The following PACS1 variants were observed in gnomAD, a reference collection of about 807,000 sequenced individuals.
PACS1 encodes the protein PACS-1.
PACS1 carries 24 observed loss-of-function variants against 115.0 expected under a neutral mutation model. The ratio of observed to expected loss-of-function variants is 0.21; its 90% CI spans 0.15 to 0.29. The LOEUF (loss-of-function observed/expected upper bound fraction) is 0.29, where lower values mean the gene tolerates loss of function less well. Among genes scored for constraint, PACS1 ranks in the 10% least tolerant of loss-of-function variants. The probability of loss-of-function intolerance (pLI) is 1.00; values close to 1 mark genes in which losing one functional copy is unlikely to be tolerated. For synonymous variants in PACS1, 453 were observed against 504.5 expected, an observed-to-expected ratio of 0.90 and a Z score of 1.37; for missense variants, 838 against 1,251.2, an observed-to-expected ratio of 0.67 and a Z score of 4.98.
intron 1 of PACS1, among the ~76,000 whole-genome samples, chr11:66,106,118 C>T (rs1358265498): frequency 1.4e-4 from 22 of 152,154 alleles, no homozygotes; most frequent in Non-Finnish European, 2.8e-4. Context: ...TCTCATTTCA[C>T]TTTCAGCCTG....
chr11:66,166,343 T>C (rs1346531241), intron 1 of PACS1, among the ~76,000 whole-genome samples: 1 of 152,170 alleles, frequency 6.6e-6, no homozygotes, highest in South Asian at 2.1e-4. Context: ...AGATGGGGTT[T>C]CACCATGTTG....
At chr11:66,208,618 C>T (rs1854997678) in intron 2 of PACS1, among the ~76,000 whole-genome samples, 1 of 144,748 alleles carries the variant, frequency 6.9e-6, no homozygotes, top group African/African-American at 2.6e-5. Context: ...AGTTAAAGAC[C>T]AGCCTGGGCA....
rs1854508010 is a variant in PACS1 at position 66,191,023 on chromosome 11, G to A, written c.357-2463G>A. Among the ~76,000 whole-genome samples the A allele has an allele frequency of 2.0e-5, 3 of 152,222 alleles. No individual in the cohort carries two copies. The South Asian group carries it at 6.2e-4, about 32-fold the overall frequency. On this transcript the variant is annotated intron_variant, in intron 1 of 23. Transcript: ENST00000320580. Reference sequence around the variant, plus strand: ...AACTTCGTGACTTCACACAACACACGTTTATTATCTTGCATTTCTGCAGGT... The same window carrying A: ...AACTTCGTGACTTCACACAACACACATTTATTATCTTGCATTTCTGCAGGT...
chr11:66,224,229 T>G (rs1223366746), intron 10 of PACS1, among the ~76,000 whole-genome samples: 2 of 145,854 alleles, frequency 1.4e-5, no homozygotes, highest in Non-Finnish European at 3.0e-5. Context: ...CAGGTGAGTG[T>G]CAGCCTTTAT....
chr11:66,221,425 A>G (rs1276548517), intron 10 of PACS1, 178 bp downstream of exon 10: 2 of 612,218 alleles, frequency 3.3e-6, no homozygotes, highest in Non-Finnish European at 5.9e-6. Flanking sequence ...AGTCGGGCAG[A>G]TCATGAGGTC....
At chr11:66,216,402 C>G in intron 5 of PACS1, 118 bp from the exon 6 acceptor site, 1 of 1,399,138 alleles carries the variant, frequency 7.1e-7, no homozygotes, top group Non-Finnish European at 1.0e-6. Context: ...CGGCCCTGGC[C>G]CTCCCCTCCA....
At chr11:66,141,995 G>T (rs373572726) in intron 1 of PACS1, among the ~76,000 whole-genome samples, 1 of 151,810 alleles carries the variant, frequency 6.6e-6, no homozygotes, top group African/African-American at 2.4e-5. Flanking sequence ...TAGTAGAGAC[G>T]GGGTTTCACC....
chr11:66,225,846 A>G (rs1855460785), intron 10 of PACS1, among the ~76,000 whole-genome samples: 1 of 152,218 alleles, frequency 6.6e-6, no homozygotes, highest in African/African-American at 2.4e-5. Flanking sequence ...AGGTCTAACC[A>G]GAGCTTTTCC....
chr11:66,139,091 T>G (rs919915446), intron 1 of PACS1, among the ~76,000 whole-genome samples: 1 of 152,226 alleles, frequency 6.6e-6, no homozygotes, highest in South Asian at 2.1e-4. Context: ...CAGCCTGTTA[T>G]GAAACCAGTG....
chr11:66,217,472 T>C, intron 7 of PACS1: 1 of 439,808 alleles, frequency 2.3e-6, no homozygotes, highest in Non-Finnish European at 4.6e-6. Flanking sequence ...AATTCACAGC[T>C]CCATTTACCC....
Position 66,234,142 on chromosome 11 carries a change from T to C in PACS1, c.2004T>C (p.Pro668=), listed in dbSNP as rs771266799. 6.2e-7 allele frequency: 1 copy of C among 1,612,626 alleles called. No homozygotes were observed. The part of the protein sequence containing the change: ...RFLIIPLGSH[P]VAKYLGSVDS... ...TTTTCCATCTACCAGGTTCTCACCC[T>C]GTGGCCAAATACTTGGGGTCAGTCG... The change falls in exon 17 of 24, where the codon CCT becomes CCC. Residue 668 remains proline, a synonymous_variant. Coordinates refer to ENST00000320580, the MANE Select transcript of PACS1 (RefSeq NM_018026.4).
intron 2 of PACS1, among the ~76,000 whole-genome samples, chr11:66,196,877 C>T (rs1050676821): frequency 6.6e-6 from 1 of 152,084 alleles, no homozygotes; most frequent in African/African-American, 2.4e-5. Flanking sequence ...GGATTACAGG[C>T]ATGAGCTACC....
At chr11:66,186,103 CA>C (rs935184226) in intron 1 of PACS1, among the ~76,000 whole-genome samples, 1 of 151,530 alleles carries the variant, frequency 6.6e-6, no homozygotes, top group Admixed American at 6.6e-5. Flanking sequence ...CCCATCGCTG[CA>C]AAAAAAATTT....
chr11:66,170,553 C>A (rs933692309), intron 1 of PACS1, among the ~76,000 whole-genome samples: 6 of 150,066 alleles, frequency 4.0e-5, no homozygotes, highest in African/African-American at 1.3e-4. Context: ...AATGCATTAT[C>A]TTTAAAGTTA....
At chr11:66,114,104 TTG>T (rs1858249915) in intron 1 of PACS1, among the ~76,000 whole-genome samples, 1 of 71,626 alleles carries the variant, frequency 1.4e-5, no homozygotes, top group African/African-American at 3.3e-5. Flanking sequence ...GTTGTTCAGC[TTG>T]TTTTTTTTTC....
In PACS1 at chr11:66,239,293, G is replaced by A. The variant is rs771886262; in HGVS notation, c.2429+16G>A. On this transcript the variant is annotated intron_variant, in intron 21 of 23. Transcript: ENST00000320580. ...CCATCGTGGGGTAAGGCTCCTGCCC[G>A]TACCTGTCCTGCCATGCCCTCCATC... The A allele has an allele frequency of 8.1e-6, 13 of 1,602,322 alleles. No individual in the cohort carries two copies. Among genetic ancestry groups the A allele is most frequent in the Admixed American group, 3.4e-5 (2 of 58,794 alleles).
intron 1 of PACS1, among the ~76,000 whole-genome samples, chr11:66,115,949 A>G (rs181845091): frequency 6.6e-6 from 1 of 152,336 alleles, no homozygotes; most frequent in Admixed American, 6.5e-5. Context: ...GGCAGCTGTC[A>G]TATCTGAGGG....
At chr11:66,192,008 G>C (rs1285545321) in intron 1 of PACS1, among the ~76,000 whole-genome samples, 1 of 151,778 alleles carries the variant, frequency 6.6e-6, no homozygotes, top group Non-Finnish European at 1.5e-5. Context: ...GGGAGACAGA[G>C]TGAGACTCTG....
intron 2 of PACS1, among the ~76,000 whole-genome samples, chr11:66,202,729 A>G (rs1208673081): frequency 5.9e-4 from 22 of 37,364 alleles, no homozygotes; most frequent in East Asian, 1.3e-3. Context: ...TCTCTAGGAA[A>G]AAAAAAAAAA....
Sources: gnomAD v4.1 joint callset for allele counts (sites outside exome capture counted in the v4.1 genomes callset) on GRCh38, gnomAD v4.1.1 for gene constraint, MANE v1.5 for transcripts, NCBI Gene and HGNC (gene_info 2026-07-23, HGNC 2026-07-21) for gene names.